Variants in CCDC85A observed in about 807,000 individuals in gnomAD.
The protein encoded by CCDC85A is coiled-coil domain containing 85A.
In CCDC85A, 38 loss-of-function variants were observed where a neutral mutation model predicts 50.2. The observed-to-expected ratio is 0.76, with a 90% CI of 0.58 to 0.99. CCDC85A has a LOEUF of 0.99. Among genes scored for constraint, CCDC85A ranks in the 50% least tolerant of loss-of-function variants. CCDC85A has a pLI of 0.00. For synonymous variants in CCDC85A, 366 were observed against 301.4 expected, an observed-to-expected ratio of 1.21 and a Z score of -2.22; for missense variants, 820 against 742.0, an observed-to-expected ratio of 1.11 and a Z score of -1.22.
At chr2:56,275,901 G>T (rs372550593) in intron 2 of CCDC85A, among the ~76,000 whole-genome samples, 58 of 152,266 alleles carry the variant, frequency 3.8e-4, no homozygotes, top group African/African-American at 1.2e-3. Flanking sequence ...CTGACCTTTT[G>T]TTTTGGTATT....
chr2:56,327,698 A>G (rs1673544967), intron 2 of CCDC85A, among the ~76,000 whole-genome samples: 1 of 152,006 alleles, frequency 6.6e-6, no homozygotes, highest in Non-Finnish European at 1.5e-5. Flanking sequence ...TAACATAGAG[A>G]TCTGTAGGAA....
At chr2:56,186,563 A>G (rs1044052798) in intron 1 of CCDC85A, among the ~76,000 whole-genome samples, 1 of 152,216 alleles carries the variant, frequency 6.6e-6, no homozygotes. Flanking sequence ...ACAAGGGGGC[A>G]TTAGTTTGTC....
At chr2:56,369,232 T>C (rs977735467) in intron 3 of CCDC85A, among the ~76,000 whole-genome samples, 3 of 152,150 alleles carry the variant, frequency 2.0e-5, no homozygotes, top group African/African-American at 7.2e-5. Flanking sequence ...TTTTATTCCC[T>C]TCATTTACAT....
chr2:56,232,128 T>G (rs952151228), intron 2 of CCDC85A, among the ~76,000 whole-genome samples: 30 of 152,120 alleles, frequency 2.0e-4, no homozygotes, highest in African/African-American at 7.2e-4. Flanking sequence ...AAATTCTAAC[T>G]TAATACAGAT....
intron 2 of CCDC85A, among the ~76,000 whole-genome samples, chr2:56,285,268 A>AT (rs1421789699): frequency 1.3e-5 from 2 of 150,738 alleles, no homozygotes; most frequent in African/African-American, 2.4e-5. Flanking sequence ...TGCCCAGCTA[A>AT]TTTTTTTGTG....
intron 2 of CCDC85A, among the ~76,000 whole-genome samples, chr2:56,302,771 T>A (rs997221079): frequency 6.6e-6 from 1 of 152,236 alleles, no homozygotes; most frequent in Non-Finnish European, 1.5e-5. Context: ...TATTTGTATA[T>A]GTTACATAAG....
chr2:56,205,395 C>T (rs370039260), intron 2 of CCDC85A, among the ~76,000 whole-genome samples: 3 of 148,030 alleles, frequency 2.0e-5, no homozygotes, highest in South Asian at 4.2e-4. Context: ...TGGAGTAAGG[C>T]TCTTCAGAGA....
chr2:56,330,510 C>G (rs1486577257), intron 2 of CCDC85A, among the ~76,000 whole-genome samples: 1 of 152,162 alleles, frequency 6.6e-6, no homozygotes, highest in African/African-American at 2.4e-5. Flanking sequence ...GCCTTCCTCC[C>G]TCCCTCCCTC....
intron 2 of CCDC85A, among the ~76,000 whole-genome samples, chr2:56,251,055 T>G (rs1669731152): frequency 6.6e-6 from 1 of 152,230 alleles, no homozygotes; most frequent in African/African-American, 2.4e-5. Flanking sequence ...GTCTGACACT[T>G]TATTACCTAG....
intron 2 of CCDC85A, among the ~76,000 whole-genome samples, chr2:56,238,768 T>A (rs1669131906): frequency 6.6e-6 from 1 of 152,174 alleles, no homozygotes; most frequent in Non-Finnish European, 1.5e-5. Context: ...CTCATACTGC[T>A]TTTGAAACAT....
chr2:56,378,059 G>A (rs1242533223), intron 5 of CCDC85A, among the ~76,000 whole-genome samples: 2 of 152,170 alleles, frequency 1.3e-5, no homozygotes, highest in African/African-American at 2.4e-5. Context: ...TGAGTTAACT[G>A]TGTTAGGACA....
chr2:56,288,695 C>CG (rs1437970046), intron 2 of CCDC85A, among the ~76,000 whole-genome samples: 1 of 148,576 alleles, frequency 6.7e-6, no homozygotes, highest in Admixed American at 6.9e-5. Flanking sequence ...ACCATGCCCC[C>CG]CCCACCCCAA....
At chr2:56,339,564 CT>C (rs1326833010) in intron 2 of CCDC85A, among the ~76,000 whole-genome samples, 1 of 152,200 alleles carries the variant, frequency 6.6e-6, no homozygotes, top group Non-Finnish European at 1.5e-5. Flanking sequence ...CAAATTTCAC[CT>C]GACTCAATCT....
Position 56,224,731 on chromosome 2 carries a change from T to C in CCDC85A, c.1240+31291T>C, listed in dbSNP as rs554010143. On this transcript the variant is annotated intron_variant, in intron 2 of 5. Transcript: ENST00000407595. ...ATGTTGAGCATCCTTTCATGTGTTA[T>C]TGATTGTATATTCTTTGGAGAAATG... Among the ~76,000 whole-genome samples, 5 of 152,330 alleles carry C rather than the reference T, an allele frequency of 3.3e-5. No individual in the cohort carries two copies. In the South Asian group the frequency reaches 8.3e-4, roughly 25 times the overall value.
chr2:56,328,327 A>G (rs1044719462), intron 2 of CCDC85A, among the ~76,000 whole-genome samples: 5 of 152,090 alleles, frequency 3.3e-5, no homozygotes, highest in East Asian at 1.9e-4. Flanking sequence ...GTCTTTGTCT[A>G]TTGAGGGAGG....
rs915422061 is a variant in CCDC85A, at chr2:56,292,338, C to T, written c.1241-50541C>T. On this transcript the variant is annotated intron_variant, in intron 2 of 5. Coordinates refer to ENST00000407595, the MANE Select transcript of CCDC85A (RefSeq NM_001080433.2). ...GACCTCGTGATCCACCCGCCTCGGC[C>T]TCCCAAAGTGCTGCTATTACAGGAG... Among the ~76,000 whole-genome samples the T allele has an allele frequency of 2.6e-5, 4 of 152,310 alleles. No individual in the cohort carries two copies. The East Asian group carries it at 7.7e-4, about 29-fold the overall frequency.
chr2:56,187,503 G>C (rs911755448), intron 1 of CCDC85A, among the ~76,000 whole-genome samples: 3 of 152,176 alleles, frequency 2.0e-5, no homozygotes, highest in African/African-American at 7.2e-5. Flanking sequence ...GAAAGATAAA[G>C]AATTTGGATT....
At chr2:56,352,711 C>G (rs1328503108) in intron 3 of CCDC85A, among the ~76,000 whole-genome samples, 2 of 152,134 alleles carry the variant, frequency 1.3e-5, no homozygotes, top group Admixed American at 6.6e-5. Flanking sequence ...ATAACTGAGC[C>G]ATGTTTAGGA....
chr2:56,233,001 C>T (rs1668840426), intron 2 of CCDC85A, among the ~76,000 whole-genome samples: 1 of 152,124 alleles, frequency 6.6e-6, no homozygotes. Flanking sequence ...CCACATTGTC[C>T]CCATTTCTTT....
Sources: allele counts gnomAD v4.1 joint callset (sites outside exome capture counted in the v4.1 genomes callset), GRCh38; gene constraint gnomAD v4.1.1; transcripts MANE v1.5; gene names NCBI Gene and HGNC (gene_info 2026-07-23, HGNC 2026-07-21).